RAB4A: variants seen among roughly 807,000 people sequenced by gnomAD.
The protein encoded by RAB4A is RAB4A, member RAS oncogene family.
A neutral mutation model predicts 34.5 loss-of-function variants in RAB4A; 20 were observed. That is an observed-to-expected ratio of 0.58 (90% CI 0.41 to 0.84). The LOEUF (loss-of-function observed/expected upper bound fraction) is 0.84. Among genes scored for constraint, RAB4A ranks in the 40% least tolerant of loss-of-function variants. RAB4A has a pLI of 0.00. For synonymous variants in RAB4A, 102 were observed against 100.0 expected, an observed-to-expected ratio of 1.02 and a Z score of -0.12; for missense variants, 228 against 274.5, an observed-to-expected ratio of 0.83 and a Z score of 1.20.
chr1:229,281,984 A>G (rs1397466335), intron 1 of RAB4A, among the ~76,000 whole-genome samples: 1 of 152,020 alleles, frequency 6.6e-6, no homozygotes, highest in Non-Finnish European at 1.5e-5. Context: ...TCAAGATAAG[A>G]AGGAAAGCCT....
At position 229,276,544 on chromosome 1, in the gene RAB4A, T is replaced by C. The variant is rs564727196; in HGVS notation, c.31+5174T>C. On this transcript the variant is annotated intron_variant, in intron 1 of 7. Coordinates refer to ENST00000366690, the MANE Select transcript of RAB4A (RefSeq NM_004578.4). ...TACACCTGGGTGGCCTACAGGCATC[T>C]GAATGCAGTACGTCCCAAACCCAAC... 1.2e-4 allele frequency among the ~76,000 whole-genome samples: 18 copies of C among 151,486 alleles called. No homozygotes were observed. In the South Asian group the frequency reaches 3.5e-3, roughly 30 times the overall value.
chr1:229,299,102 T>A (rs777930154), intron 6 of RAB4A, 30 bp downstream of exon 6: 8 of 1,482,502 alleles, frequency 5.4e-6, no homozygotes, highest in Non-Finnish European at 7.4e-6. Flanking sequence ...GCAACTTTTC[T>A]TCTGCATATT....
At chr1:229,279,009 A>G (rs1393026806) in intron 1 of RAB4A, among the ~76,000 whole-genome samples, 1 of 152,160 alleles carries the variant, frequency 6.6e-6, no homozygotes, top group African/African-American at 2.4e-5. Context: ...GCAACTTATT[A>G]TTTTACCTTA....
At chr1:229,278,576 GT>G (rs764906337) in intron 1 of RAB4A, among the ~76,000 whole-genome samples, 3 of 152,144 alleles carry the variant, frequency 2.0e-5, no homozygotes, top group Non-Finnish European at 4.4e-5. Context: ...GAAGGTCTCT[GT>G]TGTTTAAAAC....
At chr1:229,288,940 A>G in intron 3 of RAB4A, 97 bp downstream of exon 3, 1 of 737,518 alleles carries the variant, frequency 1.4e-6, no homozygotes, top group East Asian at 2.9e-5. Context: ...CCTCCCCAAC[A>G]CACCCCTTCC....
chr1:229,280,982 G>A (rs1478690143), intron 1 of RAB4A, among the ~76,000 whole-genome samples: 2 of 152,146 alleles, frequency 1.3e-5, no homozygotes, highest in Admixed American at 6.5e-5. Context: ...TTTCCGAGTA[G>A]CATTTCTTGT....
intron 1 of RAB4A, among the ~76,000 whole-genome samples, chr1:229,283,431 G>T (rs1055970300): frequency 4.6e-5 from 7 of 152,192 alleles, no homozygotes; most frequent in Non-Finnish European, 7.4e-5. Flanking sequence ...TTGGACCATA[G>T]TTTTTGCTGT....
chr1:229,285,662 A>G (rs551609416), intron 1 of RAB4A, among the ~76,000 whole-genome samples: 1 of 152,308 alleles, frequency 6.6e-6, no homozygotes, highest in East Asian at 1.9e-4. Context: ...GAGTGGACTT[A>G]GCAGCTGAGT....
intron 3 of RAB4A, among the ~76,000 whole-genome samples, chr1:229,292,142 C>T (rs1418771624): frequency 6.6e-6 from 1 of 151,282 alleles, no homozygotes; most frequent in East Asian, 1.9e-4. Context: ...GGTTGCAGCA[C>T]ACCAGCATGG....
At chr1:229,286,607 C>G (rs1454801214) in intron 2 of RAB4A, 41 bp downstream of exon 2, 1 of 1,227,644 alleles carries the variant, frequency 8.1e-7, no homozygotes, top group African/African-American at 1.6e-5. Flanking sequence ...TGCATGTCTT[C>G]TGAGAGCCCT....
intron 1 of RAB4A, among the ~76,000 whole-genome samples, chr1:229,276,314 G>A (rs552714504): frequency 6.6e-6 from 1 of 151,358 alleles, no homozygotes; most frequent in East Asian, 1.9e-4. Context: ...GTTGGTCCAG[G>A]GAGGCATGTA....
At position 229,287,845 on chromosome 1, in the gene RAB4A, A is replaced by G. The variant is rs181643591; in HGVS notation, c.113-884A>G. Among the ~76,000 whole-genome samples, 240 of 152,340 alleles carry G rather than the reference A, an allele frequency of 1.6e-3. 5 individuals carry two copies. Among genetic ancestry groups the G allele is most frequent in the Non-Finnish European group, 1.9e-4 (13 of 68,028 alleles). ...GCCAGTGGCATCCCTGATCTCTGAA[A>G]CAATTAAATTTTGTTCTGCAGTTAC... On this transcript the variant is annotated intron_variant, in intron 2 of 7. Coordinates refer to ENST00000366690, the MANE Select transcript of RAB4A (RefSeq NM_004578.4).
intron 1 of RAB4A, among the ~76,000 whole-genome samples, chr1:229,280,472 T>C (rs1359387543): frequency 6.6e-6 from 1 of 152,246 alleles, no homozygotes; most frequent in African/African-American, 2.4e-5. Context: ...TGGTATTGTT[T>C]CCTTCTTGAA....
chr1:229,275,071 C>T (rs1430735016), intron 1 of RAB4A, among the ~76,000 whole-genome samples: 5 of 151,862 alleles, frequency 3.3e-5, no homozygotes, highest in Non-Finnish European at 5.9e-5. Context: ...AATTGTGTTC[C>T]CCAAAATATC....
chr1:229,280,560 T>G (rs771442718), intron 1 of RAB4A, among the ~76,000 whole-genome samples: 4 of 152,190 alleles, frequency 2.6e-5, no homozygotes, highest in Non-Finnish European at 5.9e-5. Flanking sequence ...TCACGTATTT[T>G]TTTTTCCGTT....
intron 1 of RAB4A, among the ~76,000 whole-genome samples, chr1:229,284,876 T>C (rs61825326): frequency 0.39 from 59,642 of 151,910 alleles, 12,013 homozygotes; most frequent in Admixed American, 0.45. Context: ...TTTCCTTCAA[T>C]CCTCCATGTC....
chr1:229,273,186 G>A (rs1656542054), intron 1 of RAB4A, among the ~76,000 whole-genome samples: 2 of 152,188 alleles, frequency 1.3e-5, no homozygotes, highest in Non-Finnish European at 2.9e-5. Flanking sequence ...GAAGAGTTCA[G>A]GAGATAGAGC....
At chr1:229,291,243 A>G (rs1409146660) in intron 3 of RAB4A, among the ~76,000 whole-genome samples, 1 of 152,232 alleles carries the variant, frequency 6.6e-6, no homozygotes, top group East Asian at 1.9e-4. Flanking sequence ...AAGAAAGAGG[A>G]GGAAGCCAAG....
At chr1:229,280,817 C>T (rs774581368) in intron 1 of RAB4A, among the ~76,000 whole-genome samples, 30 of 152,254 alleles carry the variant, frequency 2.0e-4, no homozygotes, top group Admixed American at 2.0e-3. Flanking sequence ...CTTTGGCAAC[C>T]ACTATTCTCC....
Sources: allele counts gnomAD v4.1 joint callset (sites outside exome capture counted in the v4.1 genomes callset), GRCh38; gene constraint gnomAD v4.1.1; transcripts MANE v1.5; gene names NCBI Gene and HGNC (gene_info 2026-07-23, HGNC 2026-07-21).